GRAMD1B: variants seen among roughly 807,000 people sequenced by gnomAD.
The protein encoded by GRAMD1B is protein Aster-B.
Under a neutral mutation model 99.7 loss-of-function variants are expected in GRAMD1B, and 37 were observed. That is an observed-to-expected ratio of 0.37 (90% CI 0.29 to 0.49). The LOEUF is 0.49. Ranked by LOEUF, GRAMD1B falls within the 20% of genes least tolerant of loss-of-function variation. GRAMD1B has a pLI of 0.98. For synonymous variants in GRAMD1B, 427 were observed against 387.6 expected, an observed-to-expected ratio of 1.10 and a Z score of -1.19; for missense variants, 888 against 1,009.2, an observed-to-expected ratio of 0.88 and a Z score of 1.63.
intron 1 of GRAMD1B, among the ~76,000 whole-genome samples, chr11:123,397,819 T>C (rs1278310937): frequency 6.6e-6 from 1 of 152,186 alleles, no homozygotes; most frequent in Non-Finnish European, 1.5e-5. Context: ...TAGAATTTCA[T>C]GTATAAGTAC....
At chr11:123,422,554 C>T (rs1190057063) in intron 1 of GRAMD1B, among the ~76,000 whole-genome samples, 1 of 152,186 alleles carries the variant, frequency 6.6e-6, no homozygotes, top group Non-Finnish European at 1.5e-5. Context: ...ACATGCTGTC[C>T]TATCAGAACA....
chr11:123,528,563 G>A (rs927101345), intron 2 of GRAMD1B, among the ~76,000 whole-genome samples: 4 of 152,138 alleles, frequency 2.6e-5, no homozygotes, highest in African/African-American at 9.7e-5. Context: ...CCTGCTTGAA[G>A]GCATGCAGAT....
At chr11:123,440,213 C>T (rs1447569644) in intron 1 of GRAMD1B, among the ~76,000 whole-genome samples, 1 of 152,106 alleles carries the variant, frequency 6.6e-6, no homozygotes, top group East Asian at 1.9e-4. Context: ...ATTTTTTATG[C>T]CATAAAAGTC....
At chr11:123,515,147 TG>T (rs755616696) in intron 2 of GRAMD1B, among the ~76,000 whole-genome samples, 2 of 152,206 alleles carry the variant, frequency 1.3e-5, no homozygotes, top group Non-Finnish European at 2.9e-5. Context: ...GGTGAATCGT[TG>T]GTTTCTGACT....
At chr11:123,514,122 C>T (rs958134097) in intron 2 of GRAMD1B, among the ~76,000 whole-genome samples, 6 of 152,152 alleles carry the variant, frequency 3.9e-5, no homozygotes, top group East Asian at 1.9e-4. Context: ...CATGGGTCCT[C>T]GGGGGAGACA....
intron 2 of GRAMD1B, among the ~76,000 whole-genome samples, chr11:123,490,898 G>GTTATCACA (rs1938482067): frequency 6.6e-6 from 1 of 152,196 alleles, no homozygotes; most frequent in African/African-American, 2.4e-5. Context: ...GAGGTTAGCG[G>GTTATCACA]CAGCAGGATC....
intron 1 of GRAMD1B, among the ~76,000 whole-genome samples, chr11:123,420,406 TG>T (rs1156362360): frequency 6.6e-6 from 1 of 152,226 alleles, no homozygotes; most frequent in Admixed American, 6.5e-5. Context: ...ACATTATTAA[TG>T]GCAAATGAGA....
Position 123,467,592 on chromosome 11 carries a change from G to A in GRAMD1B, c.375-13224G>A, listed in dbSNP as rs893959105. ...GCCCTGGCATTAGGAAGATTCTGGC[G>A]GGTTTTGTTACAGTGGCTTCTTTAT... On this transcript the variant is annotated intron_variant, in intron 1 of 19. Coordinates refer to ENST00000635736, the MANE Select transcript of GRAMD1B (RefSeq NM_001387025.1). 1.2e-4 allele frequency among the ~76,000 whole-genome samples: 19 copies of A among 152,044 alleles called. 1 individual carries two copies. The Middle Eastern group carries it at 0.01, about 82-fold the overall frequency.
intron 1 of GRAMD1B, among the ~76,000 whole-genome samples, chr11:123,359,067 T>C (rs564258685): frequency 1.3e-5 from 2 of 152,240 alleles, no homozygotes; most frequent in South Asian, 2.1e-4. Context: ...ATCTCCTCCA[T>C]GAATTTCTGG....
chr11:123,473,692 A>T (rs1014996263), intron 1 of GRAMD1B, among the ~76,000 whole-genome samples: 2 of 152,210 alleles, frequency 1.3e-5, no homozygotes, highest in Non-Finnish European at 2.9e-5. Flanking sequence ...GCAGGTTCCC[A>T]TGGGAGCTAT....
intron 1 of GRAMD1B, among the ~76,000 whole-genome samples, chr11:123,451,154 C>G (rs1378861730): frequency 6.6e-6 from 1 of 152,108 alleles, no homozygotes; most frequent in Non-Finnish European, 1.5e-5. Flanking sequence ...ATTTGAGTAG[C>G]ACTTTACCTT....
chr11:123,366,825 T>C (rs1331238868), intron 1 of GRAMD1B, among the ~76,000 whole-genome samples: 1 of 152,246 alleles, frequency 6.6e-6, no homozygotes, highest in Non-Finnish European at 1.5e-5. Context: ...AATGTGTTCT[T>C]ACTCCAATAT....
At chr11:123,422,807 A>C (rs918414632) in intron 1 of GRAMD1B, among the ~76,000 whole-genome samples, 2 of 152,130 alleles carry the variant, frequency 1.3e-5, no homozygotes, top group African/African-American at 4.8e-5. Context: ...TCAAACCTTG[A>C]CTAGGTACTG....
At chr11:123,598,647 G>T in intron 7 of GRAMD1B, 1 of 1,265,502 alleles carries the variant, frequency 7.9e-7, no homozygotes, top group Non-Finnish European at 1.2e-6. Flanking sequence ...CAGTCCTAAA[G>T]CTAAGAGAGC....
At chr11:123,463,214 C>A (rs933953318) in intron 1 of GRAMD1B, among the ~76,000 whole-genome samples, 2 of 152,292 alleles carry the variant, frequency 1.3e-5, no homozygotes, top group African/African-American at 4.8e-5. Flanking sequence ...GGTTTCACCA[C>A]GTTGGCCAGG....
rs758494903 is a variant in GRAMD1B at position 123,610,100 on chromosome 11, C to T, written c.1777-96C>T. On this transcript the variant is annotated intron_variant, in intron 13 of 19. Coordinates refer to ENST00000635736, the MANE Select transcript of GRAMD1B (RefSeq NM_001387025.1). The surrounding 1 kb of genome is among the most constrained non-coding windows in gnomAD (Gnocchi z 4.1). ...GATCCTGGTTCTCCTGTTCAGAAGCCGTGGGGTGGGGTGGGCTTGGGGAGG... is the reference window on the plus strand; with the variant it reads ...GATCCTGGTTCTCCTGTTCAGAAGCTGTGGGGTGGGGTGGGCTTGGGGAGG... 62 of 894,316 alleles carry T rather than the reference C, an allele frequency of 6.9e-5. No homozygotes were observed. The highest frequency in any genetic ancestry group is 2.6e-4 in the South Asian group (18 of 67,934). The allele number at this position is 894,316 out of a possible 1,614,324, so 55.4% of individuals were successfully genotyped here. A position where few individuals can be genotyped will look rare whatever the true frequency, so the allele number is the denominator to read the frequency against.
chr11:123,405,997 C>CA (rs1006752564), intron 1 of GRAMD1B, among the ~76,000 whole-genome samples: 8 of 149,928 alleles, frequency 5.3e-5, no homozygotes, highest in Non-Finnish European at 8.9e-5. Flanking sequence ...GGGTCACAGT[C>CA]AAAAACTGAA....
Position 123,591,670 on chromosome 11 carries a change from T to C in GRAMD1B, c.685-2412T>C. The C allele has an allele frequency of 2.5e-6, 1 of 394,838 alleles. No homozygotes were observed. Among genetic ancestry groups the C allele is most frequent in the South Asian group, 1.4e-4 (1 of 6,980 alleles). 24.5% of individuals were successfully genotyped at this position (394,838 alleles called of 1,614,324 possible). On this transcript the variant is annotated intron_variant, in intron 4 of 19. Coordinates refer to ENST00000635736, the MANE Select transcript of GRAMD1B (RefSeq NM_001387025.1). The surrounding 1 kb of genome is among the most constrained non-coding windows in gnomAD (Gnocchi z 4.7). The stretch of plus-strand genomic sequence containing the variant: ...ACCGAAATTATTTGACCATTTTAAA[T>C]TGAAATAGGTGAGCCAGGCCCCGCC...
chr11:123,484,550 C>G (rs1019575873), intron 2 of GRAMD1B, among the ~76,000 whole-genome samples: 1 of 152,152 alleles, frequency 6.6e-6, no homozygotes, highest in African/African-American at 2.4e-5. Context: ...TCGCAGTCCC[C>G]TAAGCTCTTT....
Sources: allele counts gnomAD v4.1 joint callset (sites outside exome capture counted in the v4.1 genomes callset), GRCh38; gene constraint gnomAD v4.1.1; non-coding constraint Gnocchi (gnomAD v3.1); transcripts MANE v1.5; gene names NCBI Gene and HGNC (gene_info 2026-07-23, HGNC 2026-07-21).